The following PXN variants were observed in gnomAD, a reference collection of about 807,000 sequenced individuals.
PXN encodes testicular tissue protein Li 134.
Under a neutral mutation model 103.6 loss-of-function variants are expected in PXN, and 61 were observed. The observed-to-expected ratio is 0.59, with a 90% CI of 0.48 to 0.73. PXN has a LOEUF of 0.73. PXN is among the 30% of genes least tolerant of loss of function. The probability of loss-of-function intolerance (pLI) is 0.00; values close to 1 mark genes in which losing one functional copy is unlikely to be tolerated. For missense variants in PXN, 1,274 were observed against 1,460.3 expected (o/e 0.87, Z 2.08); for synonymous variants, 562 against 607.8 (o/e 0.92, Z 1.11).
rs767039127 is a variant in PXN, at chr12:120,224,233, G to A, written c.158C>T (p.Pro53Leu). 1.2e-5 allele frequency: 20 copies of A among 1,612,306 alleles called. No homozygotes were observed. The highest frequency in any genetic ancestry group is 6.7e-5 in the Admixed American group (4 of 59,956). ...TGTGCCATTGAGGGCCTCGCTGGAC[G>A]GGGGTGGGGGGACGGGGGGTGGCAC... ...IAVPPPVPPPPSSEALNGTIL... is the reference protein window; with the variant it reads ...IAVPPPVPPPLSSEALNGTIL... The change falls in exon 2 of 15, where the codon CCG (proline) becomes CTG (leucine). Residue 53 changes from proline (P) to leucine (L), a missense_variant. Around this residue, in one of 2 missense-constraint regions of PXN, gnomAD observed 1,178 missense variants for 1,309.0 expected, o/e 0.90. Coordinates refer to ENST00000637617, the MANE Select transcript of PXN (RefSeq NM_001385981.1). This position sits in a 1 kb window ranked among gnomAD's most constrained non-coding sequence, Gnocchi z 5.0.
chr12:120,226,271 G>T, intron 1 of PXN: 1 of 1,288,902 alleles, frequency 7.8e-7, no homozygotes. Flanking sequence ...ACTCCCCAGA[G>T]CAGGCAACGA....
chr12:120,223,713 A>G lies in PXN; in HGVS notation c.356+5T>C. On this transcript the variant is annotated splice_donor_5th_base_variant and intron_variant, in intron 3 of 14. Transcript: ENST00000637617. Reference sequence around the variant, plus strand: ...GAAGGTGCCCTGGGCAGACTGGGGCAGTACCTGTAGACGTGCTCCTCCTCA... The same window carrying G: ...GAAGGTGCCCTGGGCAGACTGGGGCGGTACCTGTAGACGTGCTCCTCCTCA... The G allele has an allele frequency of 1.9e-6, 3 of 1,568,946 alleles. No homozygotes were observed. The highest frequency in any genetic ancestry group is 2.6e-6 in the Non-Finnish European group (3 of 1,153,062).
Position 120,221,611 on chromosome 12 carries a change from T to C in PXN, c.831+12A>G. On this transcript the variant is annotated intron_variant, in intron 6 of 14. Coordinates refer to ENST00000637617, the MANE Select transcript of PXN (RefSeq NM_001385981.1). This position sits in a 1 kb window ranked among gnomAD's most constrained non-coding sequence, Gnocchi z 6.6. ...GCGGCAGGGCAGGGAAGATGGAGGG[T>C]TCACAGGGCACCTTGAAATCCGACA... is the stretch of plus-strand genomic sequence containing the variant. The C allele has an allele frequency of 6.4e-7, 1 of 1,557,086 alleles. No individual in the cohort carries two copies. Among genetic ancestry groups the C allele is most frequent in the Non-Finnish European group, 8.7e-7 (1 of 1,150,992 alleles).
At chr12:120,236,439 C>T (rs970025874) in intron 1 of PXN, among the ~76,000 whole-genome samples, 1 of 151,536 alleles carries the variant, frequency 6.6e-6, no homozygotes, top group African/African-American at 2.4e-5. Context: ...TCATGAATAG[C>T]TGGAACTATA....
intron 1 of PXN, among the ~76,000 whole-genome samples, chr12:120,231,769 G>A (rs1888094926): frequency 6.6e-6 from 1 of 152,182 alleles, no homozygotes; most frequent in African/African-American, 2.4e-5. Flanking sequence ...GAAAATAATG[G>A]CTGCAAGGCA....
chr12:120,216,861 C>T lies in PXN; in HGVS notation c.1972G>A (p.Gly658Arg), dbSNP rs767381103. 32 of 1,510,382 alleles carry T rather than the reference C, an allele frequency of 2.1e-5. No homozygotes were observed. The highest frequency in any genetic ancestry group is 4.8e-5 in the East Asian group (2 of 41,644). 93.6% of individuals were successfully genotyped at this position (1,510,382 alleles called of 1,614,324 possible). Residue 658 changes from glycine (G) to arginine (R), a missense_variant, in exon 8 of 15, where the codon GGG (glycine) becomes AGG (arginine). Transcript: ENST00000637617. This position sits in a 1 kb window ranked among gnomAD's most constrained non-coding sequence, Gnocchi z 5.1. ...GCCACCTTCTCTACGAGCTGCCCCC[C>T]GGCCCGCTTCCCACGTGGCTGCACA... is the stretch of plus-strand genomic sequence containing the variant. ...ITVQPRGKRA[G>R]GQLVEKVVFP...
Position 120,224,207 on chromosome 12 carries a change from T to C in PXN, c.184A>G (p.Ile62Val), listed in dbSNP as rs1337067741. 2 of 1,611,452 alleles carry C rather than the reference T, an allele frequency of 1.2e-6. No homozygotes were observed. The highest frequency in any genetic ancestry group is 1.7e-5 in the Admixed American group (1 of 59,572). Residue 62 changes from isoleucine to valine, a missense_variant, in exon 2 of 15, where the codon ATC becomes GTC. Transcript: ENST00000637617. The surrounding 1 kb of genome is among the most constrained non-coding windows in gnomAD (Gnocchi z 5.0). ...TGCCACTGGTCTAAGGGGTCAAGGA[T>C]TGTGCCATTGAGGGCCTCGCTGGAC... is the stretch of plus-strand genomic sequence containing the variant. ...PPSSEALNGTILDPLDQWQPS... is the reference protein window; with the variant it reads ...PPSSEALNGTVLDPLDQWQPS...
Position 120,216,442 on chromosome 12 carries a change from GA to G in PXN, c.2131del (p.Ser711ProfsTer40). 1 of 1,378,912 alleles carries G rather than the reference GA, an allele frequency of 7.3e-7. No individual in the cohort carries two copies. The highest frequency in any genetic ancestry group is 9.3e-7 in the Non-Finnish European group (1 of 1,075,792). The allele number at this position is 1,378,912 out of a possible 1,614,324, so 85.4% of individuals were successfully genotyped here. A position where few individuals can be genotyped will look rare whatever the true frequency, so the allele number is the denominator to read the frequency against. On this transcript the variant is annotated frameshift_variant, in exon 9 of 15. Transcript: ENST00000637617. LOFTEE classifies it high-confidence loss of function. The surrounding 1 kb of genome is among the most constrained non-coding windows in gnomAD (Gnocchi z 5.1). ...GGTATAAGCTGAGGGCCCCAGGGGG[GA>G]GGAGGCGAGCAGGCTGGGCAGGGGA... ...SSPLPSLLAS[S>X]PLGPSAYTCG...
chr12:120,213,999 C>A lies in PXN; in HGVS notation c.2831-9G>T. On this transcript the variant is annotated splice_polypyrimidine_tract_variant and intron_variant, in intron 13 of 14. Transcript: ENST00000637617. This position sits in a 1 kb window ranked among gnomAD's most constrained non-coding sequence, Gnocchi z 4.2. The stretch of plus-strand genomic sequence containing the variant: ...GTCCTTCTCGTGGAACCCTGGGGAG[C>A]GGGGGTTTTGGAGGCACAGTTCATT... 1 of 1,610,922 alleles carries A rather than the reference C, an allele frequency of 6.2e-7. No individual in the cohort carries two copies. Among genetic ancestry groups the A allele is most frequent in the Non-Finnish European group, 8.5e-7 (1 of 1,178,946 alleles).
intron 1 of PXN, among the ~76,000 whole-genome samples, chr12:120,242,057 C>T (rs1176546549): frequency 6.6e-6 from 1 of 152,086 alleles, no homozygotes; most frequent in South Asian, 2.1e-4. Flanking sequence ...AGAAGGTCTG[C>T]GGCAGGGGTC....
Position 120,211,960 on chromosome 12 carries a change from G to A in PXN, c.*354C>T, listed in dbSNP as rs372103577. 12 of 561,874 alleles carry A rather than the reference G, an allele frequency of 2.1e-5. No individual in the cohort carries two copies. The highest frequency in any genetic ancestry group is 2.9e-4 in the Middle Eastern group (1 of 3,400). The allele number at this position is 561,874 out of a possible 1,614,324, so 34.8% of individuals were successfully genotyped here. A position where few individuals can be genotyped will look rare whatever the true frequency, so the allele number is the denominator to read the frequency against. ...CCCTGCCTGCCCTTCCCTGCCCCCC[G>A]GCTGCACTGCTGAAATATGAGGAAG... On this transcript the variant is annotated 3_prime_UTR_variant, in exon 15 of 15. Coordinates refer to ENST00000637617, the MANE Select transcript of PXN (RefSeq NM_001385981.1).
intron 1 of PXN, among the ~76,000 whole-genome samples, chr12:120,258,362 G>A (rs1245938218): frequency 6.6e-6 from 1 of 152,020 alleles, no homozygotes; most frequent in Non-Finnish European, 1.5e-5. Flanking sequence ...ACTGTCTCTG[G>A]GCCTGTCTTT....
intron 1 of PXN, among the ~76,000 whole-genome samples, chr12:120,256,645 C>G (rs1397357756): frequency 6.6e-6 from 1 of 152,166 alleles, no homozygotes; most frequent in Non-Finnish European, 1.5e-5. Context: ...AAGCACCTCA[C>G]TCAGTCTCCC....
chr12:120,227,890 A>G (rs536024540), intron 1 of PXN, among the ~76,000 whole-genome samples: 1 of 152,322 alleles, frequency 6.6e-6, no homozygotes, highest in Non-Finnish European at 1.5e-5. Flanking sequence ...AAGCTCAGCA[A>G]ACGTCCCCCC....
chr12:120,216,193 C>T lies in PXN; in HGVS notation c.2301+80G>A. 7.9e-7 allele frequency: 1 copy of T among 1,268,868 alleles called. No individual in the cohort carries two copies. Among genetic ancestry groups the T allele is most frequent in the Non-Finnish European group, 9.9e-7 (1 of 1,010,634 alleles). The allele number at this position is 1,268,868 out of a possible 1,614,324, so 78.6% of individuals were successfully genotyped here. A position where few individuals can be genotyped will look rare whatever the true frequency, so the allele number is the denominator to read the frequency against. ...GAGGGTATCTGTGTATGTGTGTGTG[C>T]ACGTGTGTGTGTGCAGAGTGGGGGA... On this transcript the variant is annotated intron_variant, in intron 9 of 14. Transcript: ENST00000637617. This position sits in a 1 kb window ranked among gnomAD's most constrained non-coding sequence, Gnocchi z 5.1.
chr12:120,251,677 C>T lies in PXN; in HGVS notation c.13+13940G>A, dbSNP rs140136563. 4.8e-3 allele frequency among the ~76,000 whole-genome samples: 729 copies of T among 151,788 alleles called. 13 individuals are homozygous for T. Among genetic ancestry groups the T allele is most frequent in the African/African-American group, 0.017 (695 of 41,332 alleles). On this transcript the variant is annotated intron_variant, in intron 1 of 14. Transcript: ENST00000637617. ...ACTAAAAATACAAAAATTAGCTGGG[C>T]GTGGTCGTGGGCGCCTGTAATCCCA...
At position 120,215,456 on chromosome 12, in the gene PXN, G is replaced by A. The variant is rs911651273; in HGVS notation, c.2403+104C>T. ...GACGTCAGCAGGACTCCTGGTGGTCGGAGGGGCCCACCAGGGTCGGAAAGG... is the reference window on the plus strand; with the variant it reads ...GACGTCAGCAGGACTCCTGGTGGTCAGAGGGGCCCACCAGGGTCGGAAAGG... On this transcript the variant is annotated intron_variant, in intron 10 of 14. Coordinates refer to ENST00000637617, the MANE Select transcript of PXN (RefSeq NM_001385981.1). The surrounding 1 kb of genome is among the most constrained non-coding windows in gnomAD (Gnocchi z 4.9). 7.5e-6 allele frequency: 11 copies of A among 1,472,788 alleles called. No individual in the cohort carries two copies. The highest frequency in any genetic ancestry group is 2.5e-5 in the Admixed American group (1 of 40,206). 91.2% of individuals were successfully genotyped at this position (1,472,788 alleles called of 1,614,324 possible).
rs1038461473 is a variant in PXN at position 120,222,003 on chromosome 12, A to G, written c.696-245T>C. On this transcript the variant is annotated intron_variant, in intron 5 of 14. Transcript: ENST00000637617. This position sits in a 1 kb window ranked among gnomAD's most constrained non-coding sequence, Gnocchi z 4.7. ...CAAGTGAAAGCTGGCCTGCGAAACA[A>G]GCCCAAGCGCCCTGTGTTTCCTCCA... is the stretch of plus-strand genomic sequence containing the variant. Among the ~76,000 whole-genome samples, 1 of 152,194 alleles carries G rather than the reference A, an allele frequency of 6.6e-6. No homozygotes were observed. Among genetic ancestry groups the G allele is most frequent in the African/African-American group, 2.4e-5 (1 of 41,442 alleles).
rs1012523331 is a variant in PXN, at chr12:120,211,350, AAG to A, written c.*962_*963del. The A allele has an allele frequency of 1.3e-5, 2 of 153,958 alleles. No homozygotes were observed. Among genetic ancestry groups the A allele is most frequent in the Non-Finnish European group, 2.9e-5 (2 of 68,998 alleles). 9.5% of individuals were successfully genotyped at this position (153,958 alleles called of 1,614,324 possible). A position where few individuals can be genotyped will look rare whatever the true frequency, so the allele number is the denominator to read the frequency against. On this transcript the variant is annotated 3_prime_UTR_variant, in exon 15 of 15. Transcript: ENST00000637617. ...ACAGTCCTGGTGAGCTATGAAGTGA[AAG>A]AGGGGGAGTCACAGAGCTGCTCCCA...
Sources: gnomAD v4.1 joint callset for allele counts (sites outside exome capture counted in the v4.1 genomes callset) on GRCh38, gnomAD v4.1.1 for gene constraint, gnomAD v4.1.1 regional missense constraint, Gnocchi (gnomAD v3.1) non-coding constraint, MANE v1.5 for transcripts, NCBI Gene and HGNC (gene_info 2026-07-23, HGNC 2026-07-21) for gene names.